PTPRR: variants seen among roughly 807,000 people sequenced by gnomAD.
The protein encoded by PTPRR is protein tyrosine phosphatase receptor type R, also known as receptor-type tyrosine-protein phosphatase R.
A neutral mutation model predicts 77.2 loss-of-function variants in PTPRR; 38 were observed. The ratio of observed to expected loss-of-function variants is 0.49; its 90% CI spans 0.38 to 0.65. The LOEUF is 0.65. PTPRR is among the 30% of genes least tolerant of loss of function. PTPRR has a pLI of 0.00. For synonymous variants in PTPRR, 299 were observed against 283.1 expected, an observed-to-expected ratio of 1.06 and a Z score of -0.57; for missense variants, 744 against 799.2, an observed-to-expected ratio of 0.93 and a Z score of 0.83.
chr12:70,898,200 A>G (rs917187936), intron 1 of PTPRR, among the ~76,000 whole-genome samples: 1 of 148,220 alleles, frequency 6.7e-6, no homozygotes, highest in East Asian at 2.0e-4. Flanking sequence ...TATGTAGATA[A>G]CCTGAATTAA....
intron 2 of PTPRR, among the ~76,000 whole-genome samples, chr12:70,807,613 C>A (rs1306765579): frequency 2.0e-5 from 3 of 152,164 alleles, no homozygotes; most frequent in Admixed American, 2.0e-4. Flanking sequence ...GGCAGAAGAA[C>A]ATAAATTGTG....
intron 6 of PTPRR, among the ~76,000 whole-genome samples, chr12:70,705,202 T>C (rs1333352335): frequency 1.3e-5 from 2 of 152,092 alleles, no homozygotes; most frequent in Non-Finnish European, 2.9e-5. Context: ...TGGGTCAAAA[T>C]TGTTCAATTC....
At chr12:70,656,460 T>C (rs971215320) in intron 13 of PTPRR, among the ~76,000 whole-genome samples, 1 of 152,004 alleles carries the variant, frequency 6.6e-6, no homozygotes, top group Non-Finnish European at 1.5e-5. Context: ...GCCCAGGAGT[T>C]TGAGGCTGCT....
chr12:70,920,079 C>T (rs1178344706), intron 1 of PTPRR, among the ~76,000 whole-genome samples: 1 of 151,970 alleles, frequency 6.6e-6, no homozygotes, highest in Non-Finnish European at 1.5e-5. Flanking sequence ...GGGGAGCAAA[C>T]CTGTATTCAT....
At chr12:70,857,194 A>G (rs1300494301) in intron 2 of PTPRR, among the ~76,000 whole-genome samples, 1 of 152,170 alleles carries the variant, frequency 6.6e-6, no homozygotes, top group Admixed American at 6.6e-5. Context: ...TACAGTCAAA[A>G]TAAAGGAGCT....
chr12:70,797,122 C>T (rs928189558), intron 2 of PTPRR, among the ~76,000 whole-genome samples: 22 of 152,124 alleles, frequency 1.4e-4, no homozygotes, highest in Admixed American at 4.6e-4. Context: ...CTCTTTCAAG[C>T]TCTCTCTTTG....
At chr12:70,682,619 C>T (rs1887717508) in intron 10 of PTPRR, among the ~76,000 whole-genome samples, 1 of 151,900 alleles carries the variant, frequency 6.6e-6, no homozygotes, top group African/African-American at 2.4e-5. Context: ...GTTATCTAGT[C>T]TGCTGTATTA....
At chr12:70,704,545 T>C (rs1888548410) in intron 6 of PTPRR, among the ~76,000 whole-genome samples, 1 of 152,088 alleles carries the variant, frequency 6.6e-6, no homozygotes, top group African/African-American at 2.4e-5. Context: ...TGCCTAAACC[T>C]GGGAGATTAG....
rs747753375 is a variant in PTPRR at position 70,746,128 on chromosome 12, C to T, written c.739-42G>A. The T allele has an allele frequency of 1.2e-5, 19 of 1,562,292 alleles. No individual in the cohort carries two copies. The African/African-American group carries it at 2.4e-4, about 20-fold the overall frequency. ...AAAAAACTCCTGTCACATTTTCTCA[C>T]ACTAAACAAGAGTATGATCTCCTCC... On this transcript the variant is annotated intron_variant, in intron 5 of 13. Transcript: ENST00000283228.
chr12:70,727,247 A>T (rs7960840), intron 6 of PTPRR, among the ~76,000 whole-genome samples: 107,198 of 151,664 alleles, frequency 0.71, 38,761 homozygotes, highest in East Asian at 1. Context: ...TCTCAGCAAA[A>T]TAAAACACTC....
rs373036367 is a variant in PTPRR, at chr12:70,821,725, G to T, written c.358-56947C>A. ...CGCCCAGGCTGGAGTGCAGTGGAAC[G>T]ATCTCGGCTCACCACTGCAAGCTCC... On this transcript the variant is annotated intron_variant, in intron 2 of 13. Transcript: ENST00000283228. Among the ~76,000 whole-genome samples, 77 of 151,946 alleles carry T rather than the reference G, an allele frequency of 5.1e-4. 1 individual carries two copies. The highest frequency in any genetic ancestry group is 1.8e-3 in the African/African-American group (75 of 41,418).
intron 2 of PTPRR, among the ~76,000 whole-genome samples, chr12:70,882,370 ACCGTGACTGCTGCCCACCCCCTG>A (rs1252633863): frequency 1.3e-5 from 2 of 152,158 alleles, no homozygotes; most frequent in African/African-American, 4.8e-5. Context: ...CTAAGTCACT[ACCGTGACTGCTGCCCACCCCCTG>A]GCTTCCCAGA....
At chr12:70,914,933 C>G (rs574244662) in intron 1 of PTPRR, among the ~76,000 whole-genome samples, 1 of 152,206 alleles carries the variant, frequency 6.6e-6, no homozygotes, top group African/African-American at 2.4e-5. Flanking sequence ...GGGGAGATAA[C>G]TGAGATGGAA....
chr12:70,680,805 G>T (rs1010915725), intron 10 of PTPRR, among the ~76,000 whole-genome samples: 3 of 152,182 alleles, frequency 2.0e-5, no homozygotes, highest in Non-Finnish European at 2.9e-5. Flanking sequence ...GGTATATGCG[G>T]ACAGGTCTGC....
chr12:70,671,489 C>T (rs1189981082), intron 10 of PTPRR, among the ~76,000 whole-genome samples: 1 of 152,090 alleles, frequency 6.6e-6, no homozygotes, highest in Non-Finnish European at 1.5e-5. Context: ...AAAATTGTAA[C>T]ACGCAAACAA....
At chr12:70,866,956 GA>G (rs957007320) in intron 2 of PTPRR, among the ~76,000 whole-genome samples, 171 of 151,826 alleles carry the variant, frequency 1.1e-3, no homozygotes, top group African/African-American at 4.0e-3. Flanking sequence ...AATAGATGCA[GA>G]AAAGGCCTTT....
intron 2 of PTPRR, among the ~76,000 whole-genome samples, chr12:70,824,929 A>C (rs558150372): frequency 9.7e-4 from 148 of 152,320 alleles, no homozygotes; most frequent in African/African-American, 3.5e-3. Context: ...CATACTCCTC[A>C]CAGTAACCCT....
intron 6 of PTPRR, among the ~76,000 whole-genome samples, chr12:70,736,748 C>T (rs1204893113): frequency 6.6e-6 from 1 of 152,150 alleles, no homozygotes; most frequent in Non-Finnish European, 1.5e-5. Flanking sequence ...TTTATAAGCC[C>T]TCATGTTGTC....
chr12:70,816,974 A>G (rs1891914055), intron 2 of PTPRR, among the ~76,000 whole-genome samples: 1 of 152,252 alleles, frequency 6.6e-6, no homozygotes, highest in Non-Finnish European at 1.5e-5. Context: ...TAGAATGATC[A>G]CAGTCTATTA....
Sources: allele counts gnomAD v4.1 joint callset (sites outside exome capture counted in the v4.1 genomes callset), GRCh38; gene constraint gnomAD v4.1.1; transcripts MANE v1.5; gene names NCBI Gene and HGNC (gene_info 2026-07-23, HGNC 2026-07-21).